VPS37A: variants seen among roughly 807,000 people sequenced by gnomAD.
The protein encoded by VPS37A is VPS37A subunit of ESCRT-I.
Under a neutral mutation model 49.8 loss-of-function variants are expected in VPS37A, and 30 were observed. The observed-to-expected ratio is 0.60, with a 90% CI of 0.45 to 0.82. The LOEUF is 0.82. Among genes scored for constraint, VPS37A ranks in the 40% least tolerant of loss-of-function variants. The pLI, the probability that VPS37A is intolerant of heterozygous loss-of-function variation, is 0.00. For synonymous variants in VPS37A, 195 were observed against 160.6 expected, an observed-to-expected ratio of 1.21 and a Z score of -1.62; for missense variants, 593 against 464.4, an observed-to-expected ratio of 1.28 and a Z score of -2.55.
rs758723549 is a variant in VPS37A at position 17,284,489 on chromosome 8, C to A, written c.986C>A (p.Ala329Asp). The change falls in exon 10 of 12, where the codon GCC becomes GAC. Residue 329 changes from alanine to aspartate, a missense_variant. Physicochemically the swap from Ala to Asp is moderately radical, Grantham distance 126. Transcript: ENST00000324849. ...HELSESCSAS[A>D]LQARLKVAAH... ...CTTTTTCAGAGCTGTAGTGCAAGTG[C>A]CCTTCAGGCAAGATTGAAAGTAGCT... is the stretch of plus-strand genomic sequence containing the variant. 1.3e-6 allele frequency: 2 copies of A among 1,586,494 alleles called. No homozygotes were observed. Among genetic ancestry groups the A allele is most frequent in the Non-Finnish European group, 1.7e-6 (2 of 1,172,040 alleles).
chr8:17,258,204 G>A (rs1812653770), intron 1 of VPS37A, among the ~76,000 whole-genome samples: 1 of 152,172 alleles, frequency 6.6e-6, no homozygotes, highest in Non-Finnish European at 1.5e-5. Context: ...AAGTTTGAAA[G>A]TGGGCATGCT....
At chr8:17,277,337 G>T (rs1814605222) in intron 6 of VPS37A, among the ~76,000 whole-genome samples, 2 of 151,988 alleles carry the variant, frequency 1.3e-5, no homozygotes, top group African/African-American at 4.8e-5. Flanking sequence ...ACCCCATAAG[G>T]TAGGAGTTCT....
chr8:17,292,710 C>T (rs1245816189), intron 11 of VPS37A, among the ~76,000 whole-genome samples: 1 of 152,146 alleles, frequency 6.6e-6, no homozygotes, highest in Non-Finnish European at 1.5e-5. Flanking sequence ...ATTTCTCCTC[C>T]ACTTATGAAG....
chr8:17,290,605 T>C (rs781203094), intron 11 of VPS37A, among the ~76,000 whole-genome samples: 1 of 152,236 alleles, frequency 6.6e-6, no homozygotes, highest in Non-Finnish European at 1.5e-5. Flanking sequence ...GATTTTCGCA[T>C]TGATGTTCAT....
At chr8:17,247,782 G>A (rs1446429107) in intron 1 of VPS37A, 1 of 702,422 alleles carries the variant, frequency 1.4e-6, no homozygotes, top group Non-Finnish European at 2.6e-6. Context: ...CACAAAGAAT[G>A]GAAAATAGAA....
chr8:17,293,954 C>G (rs978810215), intron 11 of VPS37A, among the ~76,000 whole-genome samples: 2 of 152,210 alleles, frequency 1.3e-5, no homozygotes, highest in East Asian at 1.9e-4. Context: ...AGGAGGCAGT[C>G]TGTCTCTTAG....
In VPS37A at chr8:17,266,083, A is replaced by G. The variant is rs570846936; in HGVS notation, c.200+102A>G. 372 of 982,682 alleles carry G rather than the reference A, an allele frequency of 3.8e-4. 3 individuals are homozygous for G. In the East Asian group the frequency reaches 9.8e-3, roughly 26 times the overall value. 60.9% of individuals were successfully genotyped at this position (982,682 alleles called of 1,614,324 possible). On this transcript the variant is annotated intron_variant, in intron 2 of 11. Coordinates refer to ENST00000324849, the MANE Select transcript of VPS37A (RefSeq NM_152415.3). ...AAACTTTTAAGGTGAACTTATTTCA[A>G]GTAACTATAATTTATAAAATAGTGC...
intron 4 of VPS37A, among the ~76,000 whole-genome samples, chr8:17,274,473 A>G (rs1178024804): frequency 6.6e-6 from 1 of 152,018 alleles, no homozygotes; most frequent in Non-Finnish European, 1.5e-5. Context: ...CGTCCAGTTG[A>G]ATTGCATGCT....
the VPS37A span, among the ~76,000 whole-genome samples, chr8:17,309,081 C>A: frequency 2.0e-4 from 31 of 152,186 alleles, no homozygotes; most frequent in Non-Finnish European, 4.1e-4. Flanking sequence ...TTAGTTAGTT[C>A]TGCCCAACTG....
At chr8:17,319,635 A>G in the VPS37A span, among the ~76,000 whole-genome samples, 1 of 152,214 alleles carries the variant, frequency 6.6e-6, no homozygotes, top group Non-Finnish European at 1.5e-5. Flanking sequence ...TAGCTTTTCA[A>G]TCCTCAAACA....
downstream of VPS37A, chr8:17,300,363 C>T (rs1358269474): frequency 1.0e-6 from 1 of 956,536 alleles, no homozygotes; most frequent in East Asian, 2.6e-5. Flanking sequence ...TGAGTTCAAA[C>T]CTGGACTTCA....
rs911721532 is a variant in VPS37A at position 17,266,960 on chromosome 8, A to T, written c.200+979A>T. ...GCTAATTTTTGAATTTTCAGTAGAG[A>T]CGAGGTTTCACCATGTTGGTCAGGC... On this transcript the variant is annotated intron_variant, in intron 2 of 11. Transcript: ENST00000324849. Among the ~76,000 whole-genome samples, 5 of 152,036 alleles carry T rather than the reference A, an allele frequency of 3.3e-5. No individual in the cohort carries two copies. The South Asian group carries it at 1.0e-3, about 32-fold the overall frequency.
At chr8:17,305,750 C>G, downstream of VPS37A, 1 of 1,600,168 alleles carries the variant, frequency 6.2e-7, no homozygotes, top group Non-Finnish European at 8.6e-7. Context: ...AACACCAAAA[C>G]ACTTACTTGA....
At chr8:17,305,759 G>A, downstream of VPS37A, 4 of 1,606,138 alleles carry the variant, frequency 2.5e-6, no homozygotes, top group South Asian at 2.2e-5. Flanking sequence ...ACACTTACTT[G>A]AGTTCTCGTC....
chr8:17,315,875 GA>G, the VPS37A span, among the ~76,000 whole-genome samples: 7 of 152,128 alleles, frequency 4.6e-5, no homozygotes, highest in Non-Finnish European at 8.8e-5. Flanking sequence ...GAGCGAGACT[GA>G]GTGGCACATG....
chr8:17,256,630 T>TTTTATTTATGTA (rs1812490256), intron 1 of VPS37A, among the ~76,000 whole-genome samples: 1 of 145,326 alleles, frequency 6.9e-6, no homozygotes, highest in Non-Finnish European at 1.5e-5. Context: ...GCTGTGTAGG[T>TTTTATTTATGTA]TTTATTTATT....
downstream of VPS37A, among the ~76,000 whole-genome samples, chr8:17,304,871 CCTCA>C (rs1438999570): frequency 4.6e-5 from 7 of 151,944 alleles, no homozygotes; most frequent in African/African-American, 1.5e-4. Context: ...CTCATTTAAT[CCTCA>C]CTGAGTTGCT....
At chr8:17,263,256 T>C (rs1186213182) in intron 1 of VPS37A, among the ~76,000 whole-genome samples, 1 of 152,164 alleles carries the variant, frequency 6.6e-6, no homozygotes, top group Non-Finnish European at 1.5e-5. Flanking sequence ...GGCAACTTTT[T>C]TTTAATGAGA....
the VPS37A span, among the ~76,000 whole-genome samples, chr8:17,324,274 C>T: frequency 1.3e-5 from 2 of 152,310 alleles, no homozygotes; most frequent in East Asian, 3.9e-4. Context: ...AGATGAGCGT[C>T]TGCGATAAAT....
Sources: allele counts gnomAD v4.1 joint callset (sites outside exome capture counted in the v4.1 genomes callset), GRCh38; gene constraint gnomAD v4.1.1; transcripts MANE v1.5; gene names NCBI Gene and HGNC (gene_info 2026-07-23, HGNC 2026-07-21).